USH2A: variants seen among roughly 807,000 people sequenced by gnomAD.
The protein encoded by USH2A is Usher syndrome 2A (autosomal recessive, mild).
USH2A carries 443 observed loss-of-function variants against 538.9 expected under a neutral mutation model. The observed-to-expected ratio is 0.82, with a 90% CI of 0.76 to 0.89. The LOEUF is 0.89. Among genes scored for constraint, USH2A ranks in the 40% least tolerant of loss-of-function variants. The pLI is 0.00. For synonymous variants in USH2A, 2,413 were observed against 2,273.5 expected (o/e 1.06, Z -1.75); for missense variants, 6,633 against 6,324.8 (o/e 1.05, Z -1.65).
rs1422001004 is a variant in USH2A, at chr1:215,856,840, T to TGTGG, written c.8845+10166_8845+10167insCCAC. 1.6e-3 allele frequency among the ~76,000 whole-genome samples: 157 copies of TGTGG among 100,614 alleles called. 1 individual carries two copies. Among genetic ancestry groups the TGTGG allele is most frequent in the African/African-American group, 9.3e-3 (152 of 16,334 alleles). 66.0% of individuals were successfully genotyped at this position (100,614 alleles called of 152,430 possible). On this transcript the variant is annotated intron_variant, in intron 44 of 71. Transcript: ENST00000307340. ...AGTGGATAAAAAAATTTGGTGTGTGTGTGTGTGTGTGTGTGTGTGTGTGTG... is the reference window on the plus strand; with the variant it reads ...AGTGGATAAAAAAATTTGGTGTGTGTGTGGGTGTGTGTGTGTGTGTGTGTGTGTG...
rs943497204 is a variant in USH2A at position 216,139,458 on chromosome 1, C to T, written c.4627+35794G>A. ...AAAAAGAAAAAATTCATTTTCTTTC[C>T]TTCTAGTTCCAGGACTATATGGCTG... is the stretch of plus-strand genomic sequence containing the variant. On this transcript the variant is annotated intron_variant, in intron 21 of 71. Transcript: ENST00000307340. 2.6e-5 allele frequency among the ~76,000 whole-genome samples: 4 copies of T among 151,872 alleles called. No individual in the cohort carries two copies. In the East Asian group the frequency reaches 7.7e-4, roughly 29 times the overall value.
chr1:216,297,083 C>T (rs1374666991), intron 9 of USH2A, among the ~76,000 whole-genome samples: 4 of 152,022 alleles, frequency 2.6e-5, no homozygotes, highest in African/African-American at 9.6e-5. Context: ...CTGGGTGATA[C>T]AATATCTCAC....
rs141502465 is a variant in USH2A at position 216,225,736 on chromosome 1, C to T, written c.2993+6217G>A. ...ACTTGAATAATTATTTGAAGTTTTACGTCTTTTTCACCAAGATGATGATAG... is the reference window on the plus strand; with the variant it reads ...ACTTGAATAATTATTTGAAGTTTTATGTCTTTTTCACCAAGATGATGATAG... On this transcript the variant is annotated intron_variant, in intron 14 of 71. Coordinates refer to ENST00000307340, the MANE Select transcript of USH2A (RefSeq NM_206933.4). Among the ~76,000 whole-genome samples the T allele has an allele frequency of 5.1e-3, 781 of 152,196 alleles. 6 individuals are homozygous for T. The highest frequency in any genetic ancestry group is 0.014 in the Middle Eastern group (4 of 294).
intron 61 of USH2A, among the ~76,000 whole-genome samples, chr1:215,700,255 G>A (rs1203993940): frequency 1.3e-5 from 2 of 152,124 alleles, no homozygotes; most frequent in Non-Finnish European, 2.9e-5. Flanking sequence ...CATGGATATT[G>A]GTGTGAAATT....
Position 215,733,267 on chromosome 1 carries a change from C to A in USH2A, c.11712-4883G>T, listed in dbSNP as rs994152280. Among the ~76,000 whole-genome samples, 2 of 152,022 alleles carry A rather than the reference C, an allele frequency of 1.3e-5. 1 individual carries two copies. Among genetic ancestry groups the A allele is most frequent in the South Asian group, 4.1e-4 (2 of 4,822 alleles). The stretch of plus-strand genomic sequence containing the variant: ...GATCTCCCATCATGAACAAACTGAG[C>A]AAGAACACACTTATCACTAAGGGCA... On this transcript the variant is annotated intron_variant, in intron 60 of 71. Coordinates refer to ENST00000307340, the MANE Select transcript of USH2A (RefSeq NM_206933.4).
At chr1:216,025,132 G>A (rs1668932798) in intron 32 of USH2A, among the ~76,000 whole-genome samples, 1 of 151,780 alleles carries the variant, frequency 6.6e-6, no homozygotes, top group Non-Finnish European at 1.5e-5. Context: ...TCTGATCTCA[G>A]TTTTTCAAGC....
chr1:215,935,477 G>C (rs1488534060), intron 37 of USH2A, among the ~76,000 whole-genome samples: 1 of 151,936 alleles, frequency 6.6e-6, no homozygotes, highest in Non-Finnish European at 1.5e-5. Context: ...AAGCTGCCTA[G>C]CTATATAAAA....
At chr1:215,781,951 T>A in intron 54 of USH2A, 91 bp downstream of exon 54, 1 of 1,564,092 alleles carries the variant, frequency 6.4e-7, no homozygotes, top group Non-Finnish European at 8.8e-7. Context: ...GGACATTGTT[T>A]TCTTCAATGA....
chr1:216,293,181 C>T (rs1431452722), intron 9 of USH2A, among the ~76,000 whole-genome samples: 5 of 152,022 alleles, frequency 3.3e-5, no homozygotes, highest in South Asian at 2.1e-4. Context: ...CCCGCCACCA[C>T]GCTTGGCTAA....
intron 38 of USH2A, among the ~76,000 whole-genome samples, chr1:215,912,483 ATATATATG>A (rs1558157931): frequency 2.8e-4 from 5 of 17,904 alleles, no homozygotes; most frequent in African/African-American, 6.7e-4. Context: ...ATACGTATAT[ATATATATG>A]TGTATATATA....
intron 71 of USH2A, among the ~76,000 whole-genome samples, chr1:215,627,414 TTCCTTCCTTCCTTCCTTCC>T (rs1656074355): frequency 8.8e-6 from 1 of 113,044 alleles, no homozygotes; most frequent in Admixed American, 9.0e-5. Flanking sequence ...CCTTCCTTCC[TTCCTTCCTTCCTTCCTTCC>T]TTCCTTCCTT....
intron 54 of USH2A, among the ~76,000 whole-genome samples, chr1:215,781,678 T>C (rs1661646661): frequency 6.6e-6 from 1 of 152,204 alleles, no homozygotes; most frequent in Non-Finnish European, 1.5e-5. Flanking sequence ...CAATTTTTGT[T>C]CATATCATAT....
chr1:216,235,571 A>G (rs1404087268), intron 13 of USH2A, among the ~76,000 whole-genome samples: 1 of 152,208 alleles, frequency 6.6e-6, no homozygotes, highest in Non-Finnish European at 1.5e-5. Flanking sequence ...TTTGCCTAGG[A>G]GAAGAATCTA....
chr1:216,057,148 A>G (rs1256753718), intron 30 of USH2A, among the ~76,000 whole-genome samples: 2 of 152,048 alleles, frequency 1.3e-5, no homozygotes, highest in African/African-American at 4.8e-5. Context: ...TTTTTTTTTA[A>G]AAAACAACTC....
chr1:216,085,061 G>GT (rs2032085861), intron 24 of USH2A, 184 bp from the exon 25 acceptor site: 1 of 631,170 alleles, frequency 1.6e-6, no homozygotes, highest in Non-Finnish European at 2.7e-6. Context: ...CAATTATAAT[G>GT]TTTAGTGCTG....
In USH2A at chr1:215,743,799, G is replaced by A. The variant is rs1344474287; in HGVS notation, c.11390-464C>T. Among the ~76,000 whole-genome samples, 10 of 143,534 alleles carry A rather than the reference G, an allele frequency of 7.0e-5. No individual in the cohort carries two copies. The East Asian group carries it at 1.9e-3, about 27-fold the overall frequency. The allele number at this position is 143,534 out of a possible 152,430, so 94.2% of individuals were successfully genotyped here. A position where few individuals can be genotyped will look rare whatever the true frequency, so the allele number is the denominator to read the frequency against. On this transcript the variant is annotated intron_variant, in intron 58 of 71. Transcript: ENST00000307340. The stretch of plus-strand genomic sequence containing the variant: ...CACGCCACTGCACTCCAGCCTGGGC[G>A]ACAGAGTGAGACTCCGCCTCCAAAA...
chr1:216,371,241 G>A (rs751078593), intron 3 of USH2A, among the ~76,000 whole-genome samples: 6 of 152,124 alleles, frequency 3.9e-5, no homozygotes, highest in Non-Finnish European at 8.8e-5. Flanking sequence ...TTACATAAAT[G>A]TAAAGAAGGA....
At chr1:216,123,955 T>C (rs975665067) in intron 21 of USH2A, among the ~76,000 whole-genome samples, 3 of 152,182 alleles carry the variant, frequency 2.0e-5, no homozygotes, top group African/African-American at 7.2e-5. Context: ...CCTCTGTTAA[T>C]GACTCTACAG....
At chr1:216,263,423 A>T (rs752646211) in intron 11 of USH2A, among the ~76,000 whole-genome samples, 3 of 152,158 alleles carry the variant, frequency 2.0e-5, no homozygotes, top group Admixed American at 1.3e-4. Flanking sequence ...ACATACCAGG[A>T]TCAAGTGTGA....
Sources: gnomAD v4.1 joint callset for allele counts (sites outside exome capture counted in the v4.1 genomes callset) on GRCh38, gnomAD v4.1.1 for gene constraint, MANE v1.5 for transcripts, NCBI Gene and HGNC (gene_info 2026-07-23, HGNC 2026-07-21) for gene names.